Variants in KCNH2 observed in about 807,000 individuals in gnomAD.
KCNH2 encodes the protein potassium voltage-gated channel subfamily H member 2.
In KCNH2, 35 loss-of-function variants were observed where a neutral mutation model predicts 95.9. The observed-to-expected ratio is 0.37, with a 90% CI of 0.28 to 0.48. The LOEUF (loss-of-function observed/expected upper bound fraction) is 0.48, where lower values mean the gene tolerates loss of function less well. Among genes scored for constraint, KCNH2 ranks in the 20% least tolerant of loss-of-function variants. The pLI is 0.99. For missense variants in KCNH2, 1,274 were observed against 1,702.9 expected, an observed-to-expected ratio of 0.75 and a Z score of 4.43; for synonymous variants, 786 against 754.7, an observed-to-expected ratio of 1.04 and a Z score of -0.68.
At position 150,945,542 on chromosome 7, in the gene KCNH2, C is replaced by G. The variant is rs558165647; in HGVS notation, c.3331-28G>C. ...GCAATACACACAGAGCATGGGCAGG[C>G]GAAGAGGCCATGGAGGAGGAGGAAG... On this transcript the variant is annotated intron_variant, in intron 14 of 14. Transcript: ENST00000262186. This position sits in a 1 kb window ranked among gnomAD's most constrained non-coding sequence, Gnocchi z 5.6. 1 of 1,554,316 alleles carries G rather than the reference C, an allele frequency of 6.4e-7. No homozygotes were observed. The highest frequency in any genetic ancestry group is 1.4e-5 in the African/African-American group (1 of 73,028).
At chr7:150,954,852 C>T (rs943924941) in intron 5 of KCNH2, among the ~76,000 whole-genome samples, 1 of 152,208 alleles carries the variant, frequency 6.6e-6, no homozygotes, top group Non-Finnish European at 1.5e-5. Context: ...CACACCTCGG[C>T]TGCCCATGAA....
At position 150,962,063 on chromosome 7, in the gene KCNH2, CCA is replaced by C. The variant is rs1468996260; in HGVS notation, c.308-2329_308-2328del. Among the ~76,000 whole-genome samples, 3 of 152,198 alleles carry C rather than the reference CCA, an allele frequency of 2.0e-5. No individual in the cohort carries two copies. Among genetic ancestry groups the C allele is most frequent in the Non-Finnish European group, 4.4e-5 (3 of 68,032 alleles). On this transcript the variant is annotated intron_variant, in intron 2 of 14. Transcript: ENST00000262186. This position sits in a 1 kb window ranked among gnomAD's most constrained non-coding sequence, Gnocchi z 5.7. ...CTCTGTCTGGGTCTCCCTGCAGCAG[CCA>C]CTCTTGTCCCCTGACCTCTGGCCTC...
intron 2 of KCNH2, among the ~76,000 whole-genome samples, chr7:150,964,420 C>T (rs1301069244): frequency 1.3e-5 from 2 of 152,142 alleles, no homozygotes; most frequent in Non-Finnish European, 2.9e-5. Context: ...AGGGAACAAG[C>T]CAGACAGGTG....
rs373394254 is a variant in KCNH2, at chr7:150,947,386, G to T, written c.3094C>A (p.Arg1032=). 8 of 1,549,308 alleles carry T rather than the reference G, an allele frequency of 5.2e-6. No homozygotes were observed. The highest frequency in any genetic ancestry group is 6.1e-6 in the Non-Finnish European group (7 of 1,147,204). ...LLNIPLSSPG[R]RPRGDVESRL... ...CTCTCCACGTCGCCCCGGGGCCGCCGACCCGGGCTGGAGAGGGGGATGTTG... is the reference window on the plus strand; with the variant it reads ...CTCTCCACGTCGCCCCGGGGCCGCCTACCCGGGCTGGAGAGGGGGATGTTG... The change falls in exon 13 of 15, where the codon CGG becomes AGG. Residue 1032 remains arginine, a synonymous_variant. Transcript: ENST00000262186.
In KCNH2 at chr7:150,952,220, T is replaced by C. The variant is rs1365088253; in HGVS notation, c.1557+205A>G. ...CTCTGCAACCTGCGAGGAGCTTGTG[T>C]GGAGAGAAGGAGCATAGGTTTGCTG... On this transcript the variant is annotated intron_variant, in intron 6 of 14. Transcript: ENST00000262186. The surrounding 1 kb of genome is among the most constrained non-coding windows in gnomAD (Gnocchi z 7.3). Among the ~76,000 whole-genome samples, 3 of 152,232 alleles carry C rather than the reference T, an allele frequency of 2.0e-5. No individual in the cohort carries two copies. In the East Asian group the frequency reaches 5.8e-4, roughly 29 times the overall value.
At chr7:150,955,609 C>G (rs1295593624) in intron 5 of KCNH2, 3 of 1,436,118 alleles carry the variant, frequency 2.1e-6, no homozygotes, top group Non-Finnish European at 1.8e-6. Context: ...ACCCCCGAGG[C>G]TGGCCGACTG....
intron 5 of KCNH2, chr7:150,955,309 C>A: frequency 2.2e-6 from 3 of 1,344,448 alleles, no homozygotes; most frequent in Non-Finnish European, 3.1e-6. Context: ...CAGCCCTCTC[C>A]CCAGCCTGGA....
rs778590052 is a variant in KCNH2 at position 150,952,660 on chromosome 7, G to A, written c.1322C>T (p.Pro441Leu). ...GCAGGCGTAGCCACACTCGGTAGCA[G>A]GCGGGCCTTCTTCCGTCTCCTTCAG... ...FLLKETEEGP[P>L]ATECGYACQP... is the part of the protein sequence containing the mutation. Residue 441 changes from proline to leucine, a missense_variant, in exon 6 of 15, where the codon CCT (proline) becomes CTT (leucine). This residue lies in a region of KCNH2 where 147 missense variants were observed against 344.4 expected (regional missense o/e 0.43). Coordinates refer to ENST00000262186, the MANE Select transcript of KCNH2 (RefSeq NM_000238.4). This position sits in a 1 kb window ranked among gnomAD's most constrained non-coding sequence, Gnocchi z 7.3. 2 of 1,614,226 alleles carry A rather than the reference G, an allele frequency of 1.2e-6. No homozygotes were observed. Among genetic ancestry groups the A allele is most frequent in the Non-Finnish European group, 1.7e-6 (2 of 1,180,040 alleles).
intron 9 of KCNH2, chr7:150,949,574 G>T: frequency 9.6e-7 from 1 of 1,039,840 alleles, no homozygotes; most frequent in Non-Finnish European, 1.2e-6. Flanking sequence ...TTTGTACAGA[G>T]CTGAGAAACA....
chr7:150,948,415 C>A, intron 11 of KCNH2, 29 bp downstream of exon 11: 1 of 1,131,396 alleles, frequency 8.8e-7, no homozygotes, highest in Non-Finnish European at 1.3e-6. Flanking sequence ...TGTCCCCGCC[C>A]TCCCCCTTCC....
intron 10 of KCNH2, 103 bp downstream of exon 10, chr7:150,948,753 G>A (rs948648427): frequency 2.5e-6 from 3 of 1,210,978 alleles, no homozygotes; most frequent in African/African-American, 1.5e-5. Flanking sequence ...GACAGACAGG[G>A]AAACTGAGAC....
rs11384580 is a variant in KCNH2 at position 150,951,351 on chromosome 7, A to AG, written c.1945+96dup. ...GTGGCCCCTGGAGTCTCTAAGTTCC[A>AG]GGGCCTCACTCTGGCCCGGCTAGCA... On this transcript the variant is annotated intron_variant, in intron 7 of 14. Coordinates refer to ENST00000262186, the MANE Select transcript of KCNH2 (RefSeq NM_000238.4). 1,483,019 of 1,483,108 alleles carry AG rather than the reference A, an allele frequency of 1. 741,465 individuals carry two copies. Among genetic ancestry groups the AG allele is most frequent in the African/African-American group, 1 (72,575 of 72,576 alleles). The allele number at this position is 1,483,108 out of a possible 1,614,324, so 91.9% of individuals were successfully genotyped here.
At chr7:150,955,615 G>A (rs1298934951) in intron 5 of KCNH2, 29 of 1,434,482 alleles carry the variant, frequency 2.0e-5, no homozygotes, top group Non-Finnish European at 2.4e-5. Flanking sequence ...GAGGCTGGCC[G>A]ACTGGCAACC....
In KCNH2 at chr7:150,952,929, C is replaced by T. The variant is rs562937035; in HGVS notation, c.1129-76G>A. The T allele has an allele frequency of 1.5e-5, 22 of 1,424,906 alleles. No homozygotes were observed. The highest frequency in any genetic ancestry group is 1.7e-4 in the Middle Eastern group (1 of 5,730). The allele number at this position is 1,424,906 out of a possible 1,614,324, so 88.3% of individuals were successfully genotyped here. A position where few individuals can be genotyped will look rare whatever the true frequency, so the allele number is the denominator to read the frequency against. On this transcript the variant is annotated intron_variant, in intron 5 of 14. Transcript: ENST00000262186. This position sits in a 1 kb window ranked among gnomAD's most constrained non-coding sequence, Gnocchi z 7.3. ...GGGGCAGGAGCGATGACATCTCTGC[C>T]GGGGCCAAGCAGAATGAGGAGGAGG... is the stretch of plus-strand genomic sequence containing the variant.
Position 150,948,526 on chromosome 7 carries a change from GC to G in KCNH2, c.2609del (p.Gly870AlafsTer8). On this transcript the variant is annotated frameshift_variant, in exon 11 of 15. Transcript: ENST00000262186. LOFTEE classifies it high-confidence loss of function. ...CCTCTAACTCCGTACTGCCGGGGGAGCCCGGGATCATGTTGGTCTGGAACCA... is the reference window on the plus strand; with the variant it reads ...CCTCTAACTCCGTACTGCCGGGGGAGCCGGGATCATGTTGGTCTGGAACCA... The part of the protein sequence containing the change: ...FNLRDTNMIP[G>X]SPGSTELEGG... 6.2e-7 allele frequency: 1 copy of G among 1,613,684 alleles called. No individual in the cohort carries two copies.
chr7:150,974,666 C>A, intron 2 of KCNH2, 45 bp downstream of exon 2: 1 of 1,476,686 alleles, frequency 6.8e-7, no homozygotes, highest in Non-Finnish European at 9.2e-7. Context: ...TCCCGCCCCT[C>A]TTGACCCCGC....
Position 150,951,695 on chromosome 7 carries a change from G to A in KCNH2, c.1698C>T (p.Cys566=). The change falls in exon 7 of 15, where the codon TGC becomes TGT. Residue 566 remains cysteine (C), a synonymous_variant. Coordinates refer to ENST00000262186, the MANE Select transcript of KCNH2 (RefSeq NM_000238.4). ...TFALIAHWLA[C]IWYAIGNMEQ... ...CCATGTTGCCGATGGCGTACCAGAT[G>A]CAGGCTAGCCAGTGCGCGATGAGCG... 2 of 1,614,194 alleles carry A rather than the reference G, an allele frequency of 1.2e-6. No individual in the cohort carries two copies. Among genetic ancestry groups the A allele is most frequent in the Non-Finnish European group, 1.7e-6 (2 of 1,180,020 alleles).
In KCNH2 at chr7:150,962,627, C is replaced by CAGAG. The variant is rs41307331; in HGVS notation, c.308-2895_308-2892dup. Among the ~76,000 whole-genome samples, 2,104 of 146,332 alleles carry CAGAG rather than the reference C, an allele frequency of 0.014. 61 individuals carry two copies. Among genetic ancestry groups the CAGAG allele is most frequent in the African/African-American group, 0.044 (1,732 of 39,308 alleles). On this transcript the variant is annotated intron_variant, in intron 2 of 14. Coordinates refer to ENST00000262186, the MANE Select transcript of KCNH2 (RefSeq NM_000238.4). This position sits in a 1 kb window ranked among gnomAD's most constrained non-coding sequence, Gnocchi z 5.7. ...CACACTTACACACACACACGAGAGA[C>CAGAG]AGAGAGAGAGAGAGAGAGAGAGAGA... is the stretch of plus-strand genomic sequence containing the variant.
chr7:150,965,437 G>A (rs913742939), intron 2 of KCNH2, among the ~76,000 whole-genome samples: 2 of 152,068 alleles, frequency 1.3e-5, no homozygotes, highest in Non-Finnish European at 1.5e-5. Flanking sequence ...AGTCCCACCC[G>A]CTGCCCTCCT....
Sources: allele counts gnomAD v4.1 joint callset (sites outside exome capture counted in the v4.1 genomes callset), GRCh38; gene constraint gnomAD v4.1.1; regional missense constraint gnomAD v4.1.1; non-coding constraint Gnocchi (gnomAD v3.1); transcripts MANE v1.5; gene names NCBI Gene and HGNC (gene_info 2026-07-23, HGNC 2026-07-21).